SLC27A2: variants seen among roughly 807,000 people sequenced by gnomAD.
SLC27A2 encodes the protein solute carrier family 27 member 2.
A neutral mutation model predicts 60.0 loss-of-function variants in SLC27A2; 54 were observed. That is an observed-to-expected ratio of 0.90 (90% confidence interval 0.72 to 1.13). The LOEUF (loss-of-function observed/expected upper bound fraction) is 1.13, where lower values mean the gene tolerates loss of function less well. SLC27A2 is among the 50% of genes most tolerant of loss of function. The probability of loss-of-function intolerance (pLI) is 0.00; values close to 1 mark genes in which losing one functional copy is unlikely to be tolerated. For synonymous variants in SLC27A2, 297 were observed against 297.6 expected (o/e 1.00, Z 0.02); for missense variants, 739 against 777.6 (o/e 0.95, Z 0.59).
chr15:50,221,240 T>A (rs2045240011), intron 4 of SLC27A2, among the ~76,000 whole-genome samples: 1 of 151,750 alleles, frequency 6.6e-6, no homozygotes, highest in Non-Finnish European at 1.5e-5. Context: ...TCAGTCTGAA[T>A]GTCTAGGTCT....
intron 4 of SLC27A2, among the ~76,000 whole-genome samples, 193 bp downstream of exon 4, chr15:50,205,556 T>G (rs577638063): frequency 3.4e-4 from 52 of 152,276 alleles, no homozygotes; most frequent in East Asian, 9.7e-4. Flanking sequence ...ATATTATTAT[T>G]ATGATGATGA....
intron 3 of SLC27A2, among the ~76,000 whole-genome samples, chr15:50,203,018 A>AAC (rs1555500676): frequency 6.9e-6 from 1 of 145,726 alleles, no homozygotes; most frequent in Admixed American, 6.8e-5. Context: ...ATCTCTAAAA[A>AAC]AAATATATAT....
chr15:50,183,801 C>G (rs887289825), intron 1 of SLC27A2, among the ~76,000 whole-genome samples: 4 of 151,974 alleles, frequency 2.6e-5, no homozygotes, highest in African/African-American at 4.8e-5. Context: ...GGGTAGGGGT[C>G]GAGGGAGCCG....
At chr15:50,196,093 T>A (rs1371895588) in intron 1 of SLC27A2, among the ~76,000 whole-genome samples, 457 of 8,910 alleles carry the variant, frequency 0.051, 66 homozygotes, top group Admixed American at 0.06. Context: ...TATATATATA[T>A]ATATATATAT....
At position 50,182,327 on chromosome 15, in the gene SLC27A2, C is replaced by T. The variant is rs929035514; in HGVS notation, c.-101C>T. On this transcript the variant is annotated 5_prime_UTR_variant, in exon 1 of 10. Coordinates refer to ENST00000267842, the MANE Select transcript of SLC27A2 (RefSeq NM_003645.4). ...GCCCGGCGTCCCGCCGCGTGCGCCCCGGCGCAGCCCGCCAGTCCGCCCGGA... is the reference window on the plus strand; with the variant it reads ...GCCCGGCGTCCCGCCGCGTGCGCCCTGGCGCAGCCCGCCAGTCCGCCCGGA... 79 of 1,344,802 alleles carry T rather than the reference C, an allele frequency of 5.9e-5. No individual in the cohort carries two copies. In the South Asian group the frequency reaches 6.4e-4, roughly 11 times the overall value. 83.3% of individuals were successfully genotyped at this position (1,344,802 alleles called of 1,614,324 possible).
intron 4 of SLC27A2, among the ~76,000 whole-genome samples, chr15:50,213,999 CAAA>C (rs563515592): frequency 0.03 from 3,308 of 108,486 alleles, 94 homozygotes; most frequent in Non-Finnish European, 0.035. Context: ...AACAAACAAA[CAAA>C]AAAAAAGATA....
chr15:50,234,009 T>A lies in SLC27A2; in HGVS notation c.1686+11T>A, dbSNP rs757729096. 10 of 1,598,038 alleles carry A rather than the reference T, an allele frequency of 6.3e-6. 1 individual carries two copies. The South Asian group carries it at 8.9e-5, about 14-fold the overall frequency. ...TTTCTAAGAATACAGGTGAGATCTC[T>A]TATTATCCAGTTCAATGATCTGTCC... On this transcript the variant is annotated intron_variant, in intron 9 of 9. Coordinates refer to ENST00000267842, the MANE Select transcript of SLC27A2 (RefSeq NM_003645.4).
chr15:50,182,930 C>G, intron 1 of SLC27A2, 25 bp downstream of exon 1: 1 of 1,576,856 alleles, frequency 6.3e-7, no homozygotes, highest in South Asian at 1.2e-5. Context: ...TCGCCCTGCC[C>G]TGGCACCAGG....
At chr15:50,199,979 C>G (rs539922435) in intron 2 of SLC27A2, among the ~76,000 whole-genome samples, 9 of 152,290 alleles carry the variant, frequency 5.9e-5, no homozygotes, top group African/African-American at 2.2e-4. Context: ...TTTGTTTAAA[C>G]AGTTGGAGAA....
At chr15:50,230,314 G>A (rs551453269) in intron 8 of SLC27A2, among the ~76,000 whole-genome samples, 4 of 151,742 alleles carry the variant, frequency 2.6e-5, no homozygotes, top group Non-Finnish European at 2.9e-5. Flanking sequence ...AGGCCAAGGC[G>A]GATGGATCAC....
intron 9 of SLC27A2, 73 bp downstream of exon 9, chr15:50,234,071 T>C: frequency 7.1e-7 from 1 of 1,408,392 alleles, no homozygotes; most frequent in South Asian, 1.5e-5. Flanking sequence ...ACAACTCGCC[T>C]TCTCCCAGGA....
At chr15:50,222,585 C>A (rs1324389359) in intron 4 of SLC27A2, among the ~76,000 whole-genome samples, 1 of 152,158 alleles carries the variant, frequency 6.6e-6, no homozygotes. Flanking sequence ...TTCACCAGCC[C>A]CATCAAGAAA....
chr15:50,192,028 C>T (rs1218413077), intron 1 of SLC27A2, among the ~76,000 whole-genome samples: 3 of 150,878 alleles, frequency 2.0e-5, no homozygotes, highest in Non-Finnish European at 4.4e-5. Context: ...CCATTGCACT[C>T]CAGCCTGGAT....
At position 50,223,030 on chromosome 15, in the gene SLC27A2, G is replaced by T; in HGVS notation, c.1038G>T (p.Trp346Cys). The change falls in exon 5 of 10, where the codon TGG (tryptophan) becomes TGT (cysteine). Residue 346 changes from tryptophan to cysteine, a missense_variant. By Grantham distance (215) the Trp-to-Cys change is radical. Coordinates refer to ENST00000267842, the MANE Select transcript of SLC27A2 (RefSeq NM_003645.4). ...GAAATGGCTTACGAGGAGATGTGTG[G>T]AGACAATTTGTCAAGAGATTTGGGG... The part of the protein sequence containing the change: ...ALGNGLRGDV[W>C]RQFVKRFGDI... The T allele has an allele frequency of 6.2e-7, 1 of 1,613,972 alleles. No homozygotes were observed. Among genetic ancestry groups the T allele is most frequent in the Non-Finnish European group, 8.5e-7 (1 of 1,179,938 alleles).
At chr15:50,210,051 G>A (rs1183222446) in intron 4 of SLC27A2, among the ~76,000 whole-genome samples, 1 of 152,194 alleles carries the variant, frequency 6.6e-6, no homozygotes, top group Non-Finnish European at 1.5e-5. Flanking sequence ...TTTGAATACA[G>A]CTGAAGGTGG....
intron 4 of SLC27A2, among the ~76,000 whole-genome samples, chr15:50,217,631 G>A (rs1303215161): frequency 5.3e-5 from 8 of 151,976 alleles, no homozygotes; most frequent in African/African-American, 2.4e-5. Context: ...CCCTCACCCT[G>A]CCCCCACAGA....
chr15:50,182,326 C>A lies in SLC27A2; in HGVS notation c.-102C>A. The stretch of plus-strand genomic sequence containing the variant: ...AGCCCGGCGTCCCGCCGCGTGCGCC[C>A]CGGCGCAGCCCGCCAGTCCGCCCGG... On this transcript the variant is annotated 5_prime_UTR_variant, in exon 1 of 10. Transcript: ENST00000267842. 7.4e-7 allele frequency: 1 copy of A among 1,344,646 alleles called. No individual in the cohort carries two copies. Among genetic ancestry groups the A allele is most frequent in the East Asian group, 3.1e-5 (1 of 32,486 alleles). The allele number at this position is 1,344,646 out of a possible 1,614,324, so 83.3% of individuals were successfully genotyped here.
At position 50,202,444 on chromosome 15, in the gene SLC27A2, C is replaced by A. The variant is rs369097221; in HGVS notation, c.689-43C>A. ...GATCTCTCTCCTACACTGTAAATGC[C>A]CAATCTTGGTTAACTCATGCCTTCT... On this transcript the variant is annotated intron_variant, in intron 2 of 9. Transcript: ENST00000267842. 228 of 1,604,240 alleles carry A rather than the reference C, an allele frequency of 1.4e-4. 1 individual carries two copies. Among genetic ancestry groups the A allele is most frequent in the Non-Finnish European group, 1.8e-4 (215 of 1,171,878 alleles).
At chr15:50,199,093 C>T (rs1004638169) in intron 2 of SLC27A2, among the ~76,000 whole-genome samples, 1 of 151,918 alleles carries the variant, frequency 6.6e-6, no homozygotes, top group Non-Finnish European at 1.5e-5. Flanking sequence ...TAACCAATTG[C>T]TTCTGCTGCA....
Sources: allele counts gnomAD v4.1 joint callset (sites outside exome capture counted in the v4.1 genomes callset), GRCh38; gene constraint gnomAD v4.1.1; transcripts MANE v1.5; gene names NCBI Gene and HGNC (gene_info 2026-07-23, HGNC 2026-07-21).